CPNE8: variants seen among roughly 807,000 people sequenced by gnomAD.
The protein encoded by CPNE8 is copine-8.
Under a neutral mutation model 81.5 loss-of-function variants are expected in CPNE8, and 45 were observed. That is an observed-to-expected ratio of 0.55 (90% CI 0.44 to 0.71). The LOEUF is 0.71. CPNE8 is among the 30% of genes least tolerant of loss of function. CPNE8 has a pLI of 0.00. For synonymous variants in CPNE8, 252 were observed against 226.3 expected, an observed-to-expected ratio of 1.11 and a Z score of -1.02; for missense variants, 594 against 672.1, an observed-to-expected ratio of 0.88 and a Z score of 1.28.
chr12:38,793,209 G>A (rs1404147930), intron 6 of CPNE8, among the ~76,000 whole-genome samples: 2 of 142,536 alleles, frequency 1.4e-5, no homozygotes, highest in Non-Finnish European at 3.0e-5. Context: ...ACATAATACT[G>A]TATGTACTAG....
chr12:38,729,018 T>C (rs1448932130), intron 11 of CPNE8, among the ~76,000 whole-genome samples: 1 of 152,130 alleles, frequency 6.6e-6, no homozygotes, highest in African/African-American at 2.4e-5. Context: ...CAAGCTTTAT[T>C]GGACAAGAGA....
intron 3 of CPNE8, among the ~76,000 whole-genome samples, chr12:38,851,633 C>G (rs997550043): frequency 2.0e-5 from 3 of 152,196 alleles, no homozygotes; most frequent in Non-Finnish European, 4.4e-5. Flanking sequence ...CCCAAAGGGC[C>G]TCCTAACTTA....
chr12:38,744,062 G>C (rs2388058), intron 10 of CPNE8, among the ~76,000 whole-genome samples: 1 of 151,692 alleles, frequency 6.6e-6, no homozygotes, highest in African/African-American at 2.4e-5. Context: ...AAGCAGCATC[G>C]AGTGTGAAAA....
chr12:38,745,168 T>C (rs1208400625), intron 10 of CPNE8, among the ~76,000 whole-genome samples: 1 of 152,184 alleles, frequency 6.6e-6, no homozygotes, highest in Non-Finnish European at 1.5e-5. Context: ...TTCCCTCTAA[T>C]ACATTATAAC....
At chr12:38,756,018 C>A (rs1335386282) in intron 10 of CPNE8, among the ~76,000 whole-genome samples, 1 of 122,720 alleles carries the variant, frequency 8.1e-6, no homozygotes, top group Non-Finnish European at 1.6e-5. Context: ...CCAGCCTGGG[C>A]GACAGAGCGA....
intron 6 of CPNE8, among the ~76,000 whole-genome samples, chr12:38,820,616 G>GTT (rs1943097802): frequency 6.6e-6 from 1 of 152,012 alleles, no homozygotes. Context: ...ATCTATAAAG[G>GTT]TAATACTATT....
chr12:38,792,616 G>A (rs767899574), intron 6 of CPNE8, among the ~76,000 whole-genome samples: 16 of 151,608 alleles, frequency 1.1e-4, no homozygotes, highest in Non-Finnish European at 1.8e-4. Flanking sequence ...TAAAGCATAA[G>A]TCCCAATGGT....
chr12:38,703,801 T>C (rs1426727676), intron 13 of CPNE8, among the ~76,000 whole-genome samples: 2 of 152,106 alleles, frequency 1.3e-5, no homozygotes, highest in Non-Finnish European at 1.5e-5. Context: ...ATACCAATAA[T>C]GTTCAAGCTG....
At chr12:38,696,069 A>T (rs1939788260) in intron 14 of CPNE8, among the ~76,000 whole-genome samples, 1 of 152,190 alleles carries the variant, frequency 6.6e-6, no homozygotes, top group Non-Finnish European at 1.5e-5. Context: ...AACTGTAAAT[A>T]AAAAAATATA....
At chr12:38,797,643 T>C (rs1942525840) in intron 6 of CPNE8, among the ~76,000 whole-genome samples, 1 of 151,998 alleles carries the variant, frequency 6.6e-6, no homozygotes, top group African/African-American at 2.4e-5. Context: ...GCAGAGTGCC[T>C]CTCCTCCTCC....
chr12:38,732,941 G>C (rs1017823805), intron 10 of CPNE8, among the ~76,000 whole-genome samples: 3 of 151,948 alleles, frequency 2.0e-5, no homozygotes, highest in South Asian at 2.1e-4. Context: ...TTGTAGAGGA[G>C]AAAGTATGTT....
At chr12:38,744,247 T>C (rs972729853) in intron 10 of CPNE8, among the ~76,000 whole-genome samples, 3 of 152,144 alleles carry the variant, frequency 2.0e-5, no homozygotes, top group African/African-American at 7.2e-5. Flanking sequence ...TTGAGGTTGG[T>C]GTAATCTGAA....
intron 15 of CPNE8, 108 bp downstream of exon 15, chr12:38,693,549 A>C (rs540030759): frequency 2.2e-6 from 2 of 911,420 alleles, no homozygotes; most frequent in African/African-American, 3.4e-5. Flanking sequence ...ATTAAGCTAC[A>C]GTCAGTAAAG....
chr12:38,823,776 C>A (rs1381024925), intron 6 of CPNE8, among the ~76,000 whole-genome samples: 1 of 152,136 alleles, frequency 6.6e-6, no homozygotes, highest in African/African-American at 2.4e-5. Context: ...GGTGCTGATT[C>A]TTGCATTTCG....
upstream of CPNE8, chr12:38,905,605 C>G (rs896533158): frequency 1.7e-5 from 26 of 1,528,260 alleles, no homozygotes; most frequent in African/African-American, 6.9e-5. Context: ...GGCTAGCTCC[C>G]GTCAGGCGGG....
At chr12:38,808,954 T>G (rs897804893) in intron 6 of CPNE8, among the ~76,000 whole-genome samples, 1 of 151,082 alleles carries the variant, frequency 6.6e-6, no homozygotes, top group Non-Finnish European at 1.5e-5. Context: ...TATGATATAT[T>G]GACAAAAATT....
rs145614988 is a variant in CPNE8, at chr12:38,749,430, T to G, written c.722+11417A>C. On this transcript the variant is annotated intron_variant, in intron 10 of 19. Coordinates refer to ENST00000331366, the MANE Select transcript of CPNE8 (RefSeq NM_153634.3). ...AGATACCCAAAAATGTGGAAACGAC[T>G]TTGGAACTGGGTGACAGGCAGAGGC... Among the ~76,000 whole-genome samples, 711 of 152,214 alleles carry G rather than the reference T, an allele frequency of 4.7e-3. 5 individuals carry two copies. Among genetic ancestry groups the G allele is most frequent in the African/African-American group, 0.016 (660 of 41,500 alleles).
chr12:38,684,197 G>T (rs1030601841), intron 16 of CPNE8, among the ~76,000 whole-genome samples: 2 of 152,004 alleles, frequency 1.3e-5, no homozygotes, highest in African/African-American at 4.8e-5. Context: ...TAGTATATAT[G>T]ACATTACTTA....
At chr12:38,869,465 G>A in intron 3 of CPNE8, among the ~76,000 whole-genome samples, 1 of 152,140 alleles carries the variant, frequency 6.6e-6, no homozygotes, top group East Asian at 1.9e-4. Context: ...AAGATCAAGT[G>A]CATGCCCTCA....
Sources: gnomAD v4.1 joint callset for allele counts (sites outside exome capture counted in the v4.1 genomes callset) on GRCh38, gnomAD v4.1.1 for gene constraint, MANE v1.5 for transcripts, NCBI Gene and HGNC (gene_info 2026-07-23, HGNC 2026-07-21) for gene names.